BST2: variants seen among roughly 807,000 people sequenced by gnomAD.
BST2 encodes the protein bone marrow stromal cell antigen 2.
Under a neutral mutation model 18.6 loss-of-function variants are expected in BST2, and 10 were observed. That is an observed-to-expected ratio of 0.54 (90% CI 0.33 to 0.91). The LOEUF is 0.91. BST2 is among the 40% of genes least tolerant of loss of function. The pLI is 0.02. For missense variants in BST2, 183 were observed against 228.4 expected, an observed-to-expected ratio of 0.80 and a Z score of 1.28; for synonymous variants, 75 against 96.8, an observed-to-expected ratio of 0.77 and a Z score of 1.32.
chr19:17,405,548 T>C lies in BST2; in HGVS notation c.28A>G (p.Arg10Gly), dbSNP rs755036277. MASTSYDYC[R>G]VPMEDGDKRC... is the part of the protein sequence containing the mutation. ...TTATCCCCGTCTTCCATGGGCACTCTGCAATAGTCATACGAAGTAGATGCC... is the reference window on the plus strand; with the variant it reads ...TTATCCCCGTCTTCCATGGGCACTCCGCAATAGTCATACGAAGTAGATGCC... Residue 10 changes from arginine to glycine, a missense_variant, in exon 1 of 5, where the codon AGA becomes GGA. Arg to Gly is a moderately radical substitution (Grantham distance 125, BLOSUM62 -2). Transcript: ENST00000252593. 4 of 1,613,378 alleles carry C rather than the reference T, an allele frequency of 2.5e-6. No individual in the cohort carries two copies. Among genetic ancestry groups the C allele is most frequent in the South Asian group, 2.2e-5 (2 of 91,028 alleles).
Position 17,402,940 on chromosome 19 carries a change from C to A in BST2, c.*402G>T, listed in dbSNP as rs2245519. ...GATGATACTCCAGGAACTCGAGAGT[C>A]AGGTGTGCTCTCCCTCAAAGGAAGT... On this transcript the variant is annotated 3_prime_UTR_variant, in exon 5 of 5. Coordinates refer to ENST00000252593, the MANE Select transcript of BST2 (RefSeq NM_004335.4). The A allele has an allele frequency of 0.91, 897,671 of 985,018 alleles. 411,096 individuals are homozygous for A. Among genetic ancestry groups the A allele is most frequent in the Non-Finnish European group, 0.93 (773,891 of 829,864 alleles). The allele number at this position is 985,018 out of a possible 1,614,324, so 61.0% of individuals were successfully genotyped here.
At position 17,403,999 on chromosome 19, in the gene BST2, G is replaced by A. The variant is rs897881193; in HGVS notation, c.413+130C>T. 1.5e-5 allele frequency: 20 copies of A among 1,332,414 alleles called. No individual in the cohort carries two copies. In the African/African-American group the frequency reaches 1.9e-4, roughly 13 times the overall value. The allele number at this position is 1,332,414 out of a possible 1,614,324, so 82.5% of individuals were successfully genotyped here. ...CCTAGGGGCTAAGTTATCCTTTTGTGGGACTCAAACTTTATCCCTTGGGGC... is the reference window on the plus strand; with the variant it reads ...CCTAGGGGCTAAGTTATCCTTTTGTAGGACTCAAACTTTATCCCTTGGGGC... On this transcript the variant is annotated intron_variant, in intron 3 of 4. Coordinates refer to ENST00000252593, the MANE Select transcript of BST2 (RefSeq NM_004335.4).
intron 4 of BST2, 102 bp downstream of exon 4, chr19:17,403,578 C>T: frequency 1.4e-6 from 2 of 1,459,596 alleles, no homozygotes; most frequent in Non-Finnish European, 1.8e-6. Context: ...GCGCCCAGTC[C>T]CTTCCCCTGC....
intron 1 of BST2, among the ~76,000 whole-genome samples, chr19:17,404,732 C>G (rs1348220680): frequency 6.6e-6 from 1 of 152,178 alleles, no homozygotes; most frequent in African/African-American, 2.4e-5. Flanking sequence ...TCCAGATTGC[C>G]TGAGCAATGG....
chr19:17,405,320 C>T lies in BST2; in HGVS notation c.256G>A (p.Ala86Thr), dbSNP rs765785492. Reference sequence around the variant, plus strand: ...GTGTGGTTGCAGGTGGCGGCCTGGGCCTCCACATCCTGAAAGCCCTTCTGG... The same window carrying T: ...GTGTGGTTGCAGGTGGCGGCCTGGGTCTCCACATCCTGAAAGCCCTTCTGG... ...EAQKGFQDVE[A>T]QAATCNHTVM... The change falls in exon 1 of 5, where the codon GCC becomes ACC. Residue 86 changes from alanine to threonine, a missense_variant. Coordinates refer to ENST00000252593, the MANE Select transcript of BST2 (RefSeq NM_004335.4). 6.2e-7 allele frequency: 1 copy of T among 1,612,990 alleles called. No individual in the cohort carries two copies. Among genetic ancestry groups the T allele is most frequent in the Non-Finnish European group, 8.5e-7 (1 of 1,179,440 alleles).
chr19:17,403,839 G>GGGA lies in BST2; in HGVS notation c.414-16_414-15insTCC, dbSNP rs3078494. ...GGTTTTCTCTTCTGCGGTACAGATG[G>GGGA]CAAATCAGGCATCTGCTCGTCCTGG... On this transcript the variant is annotated splice_polypyrimidine_tract_variant and intron_variant, in intron 3 of 4. Coordinates refer to ENST00000252593, the MANE Select transcript of BST2 (RefSeq NM_004335.4). 3 of 1,609,562 alleles carry GGGA rather than the reference G, an allele frequency of 1.9e-6. No homozygotes were observed. The highest frequency in any genetic ancestry group is 1.3e-5 in the African/African-American group (1 of 74,710).
Position 17,403,752 on chromosome 19 carries a change from G to A in BST2, c.486C>T (p.Ser162=), listed in dbSNP as rs910916361. The A allele has an allele frequency of 1.2e-6, 2 of 1,613,858 alleles. No individual in the cohort carries two copies. The highest frequency in any genetic ancestry group is 1.7e-6 in the Non-Finnish European group (2 of 1,180,004). ...CAATCAGCAGCTGGGGCGCCGCAGC[G>A]GAGCTGGAGTCCTGGGAGCTGGGGT... ...KYYPSSQDSS[S]AAAPQLLIVL... The change falls in exon 4 of 5, where the codon TCC becomes TCT. Residue 162 remains serine (S), a synonymous_variant. Coordinates refer to ENST00000252593, the MANE Select transcript of BST2 (RefSeq NM_004335.4).
Position 17,403,053 on chromosome 19 carries a change from CACCGCACCCCAT to C in BST2, c.*277_*288del, listed in dbSNP as rs553344306. 109 of 985,210 alleles carry C rather than the reference CACCGCACCCCAT, an allele frequency of 1.1e-4. No individual in the cohort carries two copies. In the African/African-American group the frequency reaches 1.7e-3, roughly 16 times the overall value. 61.0% of individuals were successfully genotyped at this position (985,210 alleles called of 1,614,324 possible). ...AACAACAGGCAGCACATGCCCCCCA[CACCGCACCCCAT>C]GCCCAATCTCAGGGTGGGAGACAAG... On this transcript the variant is annotated 3_prime_UTR_variant, in exon 5 of 5. Transcript: ENST00000252593.
At position 17,405,406 on chromosome 19, in the gene BST2, A is replaced by G. The variant is rs1599595091; in HGVS notation, c.170T>C (p.Leu57Pro). Residue 57 changes from leucine (L) to proline (P), a missense_variant, in exon 1 of 5, where the codon CTT becomes CCT. By Grantham distance (98) the Leu-to-Pro change is moderately conservative (BLOSUM62 -3). Coordinates refer to ENST00000252593, the MANE Select transcript of BST2 (RefSeq NM_004335.4). ...KANSEACRDG[L>P]RAVMECRNVT... Reference sequence around the variant, plus strand: ...ATTGCGACACTCCATCACTGCCCGAAGGCCGTCCCGGCAGGCCTCGCTGTT... The same window carrying G: ...ATTGCGACACTCCATCACTGCCCGAGGGCCGTCCCGGCAGGCCTCGCTGTT... 2 of 1,614,236 alleles carry G rather than the reference A, an allele frequency of 1.2e-6. No homozygotes were observed. Among genetic ancestry groups the G allele is most frequent in the Non-Finnish European group, 8.5e-7 (1 of 1,180,044 alleles).
In BST2 at chr19:17,405,382, T is replaced by C. The variant is rs781771614; in HGVS notation, c.194A>G (p.Asn65Ser). ...DGLRAVMECR[N>S]VTHLLQQELT... Reference sequence around the variant, plus strand: ...CTCTTGTTGCAGGAGATGGGTGACATTGCGACACTCCATCACTGCCCGAAG... The same window carrying C: ...CTCTTGTTGCAGGAGATGGGTGACACTGCGACACTCCATCACTGCCCGAAG... Residue 65 changes from asparagine to serine, a missense_variant, in exon 1 of 5, where the codon AAT becomes AGT. Asn to Ser is a conservative substitution (Grantham distance 46). Transcript: ENST00000252593. 125 of 1,614,104 alleles carry C rather than the reference T, an allele frequency of 7.7e-5. No homozygotes were observed. The highest frequency in any genetic ancestry group is 4.7e-4 in the South Asian group (43 of 91,090).
At chr19:17,404,682 A>C in intron 1 of BST2, 1 of 532,362 alleles carries the variant, frequency 1.9e-6, no homozygotes, top group East Asian at 3.1e-5. Flanking sequence ...CCCCACGTGG[A>C]AACTTGGAGG....
Position 17,403,960 on chromosome 19 carries a change from C to T in BST2, c.414-136G>A. The T allele has an allele frequency of 2.9e-6, 4 of 1,360,112 alleles. No homozygotes were observed. The South Asian group carries it at 5.4e-5, about 18-fold the overall frequency. 84.3% of individuals were successfully genotyped at this position (1,360,112 alleles called of 1,614,324 possible). A position where few individuals can be genotyped will look rare whatever the true frequency, so the allele number is the denominator to read the frequency against. On this transcript the variant is annotated intron_variant, in intron 3 of 4. Coordinates refer to ENST00000252593, the MANE Select transcript of BST2 (RefSeq NM_004335.4). ...GGGGAGGGAATGGACAGCGGCCACC[C>T]ATGGCTCTGTGACCCTAGGGGCTAA... is the stretch of plus-strand genomic sequence containing the variant.
rs2074720592 is a variant in BST2 at position 17,405,393 on chromosome 19, C to CA, written c.182dup (p.Met61IlefsTer57). On this transcript the variant is annotated frameshift_variant, in exon 1 of 5. Coordinates refer to ENST00000252593, the MANE Select transcript of BST2 (RefSeq NM_004335.4). LOFTEE classifies it high-confidence loss of function. The stretch of plus-strand genomic sequence containing the variant: ...GGAGATGGGTGACATTGCGACACTC[C>CA]ATCACTGCCCGAAGGCCGTCCCGGC... The CA allele has an allele frequency of 1.2e-6, 2 of 1,614,260 alleles. No individual in the cohort carries two copies. The highest frequency in any genetic ancestry group is 2.2e-5 in the East Asian group (1 of 44,884).
chr19:17,403,633 T>G (rs1305133250), intron 4 of BST2, 47 bp downstream of exon 4: 263 of 1,158,774 alleles, frequency 2.3e-4, no homozygotes, highest in Middle Eastern at 5.7e-4. Context: ...CCCGCCCCGC[T>G]TCCCCAGCTT....
In BST2 at chr19:17,403,488, C is replaced by T. The variant is rs963580618; in HGVS notation, c.*16-162G>A. 1.9e-4 allele frequency among the ~76,000 whole-genome samples: 28 copies of T among 150,222 alleles called. No homozygotes were observed. In the East Asian group the frequency reaches 3.6e-3, roughly 19 times the overall value. ...CCCGCCCCCATTGATAGCCCCGCCC[C>T]ATACAGCTATCAGCCCGTCCCCGAT... On this transcript the variant is annotated intron_variant, in intron 4 of 4. Transcript: ENST00000252593.
Position 17,405,463 on chromosome 19 carries a change from C to T in BST2, c.113G>A (p.Gly38Glu), listed in dbSNP as rs1183859704. The T allele has an allele frequency of 1.2e-6, 2 of 1,614,222 alleles. No individual in the cohort carries two copies. The highest frequency in any genetic ancestry group is 1.7e-6 in the Non-Finnish European group (2 of 1,180,038). ...ILVLLIIVILGVPLIIFTIKA... is the reference protein window; with the variant it reads ...ILVLLIIVILEVPLIIFTIKA... ...GATGGTGAAGATAATCAAGGGCACCCCCAGAATCACGATGATCAGGAGCAC... is the reference window on the plus strand; with the variant it reads ...GATGGTGAAGATAATCAAGGGCACCTCCAGAATCACGATGATCAGGAGCAC... Residue 38 changes from glycine (G) to glutamate (E), a missense_variant, in exon 1 of 5, where the codon GGG (glycine) becomes GAG (glutamate). Gly to Glu is a moderately conservative substitution (Grantham distance 98, BLOSUM62 -2). Coordinates refer to ENST00000252593, the MANE Select transcript of BST2 (RefSeq NM_004335.4).
chr19:17,403,865 C>A (rs774860007), intron 3 of BST2, 41 bp from the exon 4 acceptor site: 3 of 1,594,168 alleles, frequency 1.9e-6, no homozygotes, highest in South Asian at 1.1e-5. Context: ...CTCGTCCTGG[C>A]TCCTGCCGCC....
Position 17,403,995 on chromosome 19 carries a change from T to C in BST2, c.413+134A>G, listed in dbSNP as rs1431575717. The C allele has an allele frequency of 6.0e-6, 8 of 1,326,446 alleles. No individual in the cohort carries two copies. The East Asian group carries it at 9.9e-5, about 16-fold the overall frequency. 82.2% of individuals were successfully genotyped at this position (1,326,446 alleles called of 1,614,324 possible). On this transcript the variant is annotated intron_variant, in intron 3 of 4. Transcript: ENST00000252593. The stretch of plus-strand genomic sequence containing the variant: ...TGACCCTAGGGGCTAAGTTATCCTT[T>C]TGTGGGACTCAAACTTTATCCCTTG...
intron 1 of BST2, 106 bp from the exon 2 acceptor site, chr19:17,404,543 ACC>A: frequency 6.5e-7 from 1 of 1,527,224 alleles, no homozygotes; most frequent in Non-Finnish European, 8.9e-7. Context: ...TTAAATGCAA[ACC>A]CCTTTCAGGT....
Sources: allele counts gnomAD v4.1 joint callset (sites outside exome capture counted in the v4.1 genomes callset), GRCh38; gene constraint gnomAD v4.1.1; transcripts MANE v1.5; gene names NCBI Gene and HGNC (gene_info 2026-07-23, HGNC 2026-07-21).